The following DAPK1 variants were observed in gnomAD, a reference collection of about 807,000 sequenced individuals.
DAPK1 encodes death associated protein kinase 1, also known as death-associated protein kinase 1.
Under a neutral mutation model 144.9 loss-of-function variants are expected in DAPK1, and 56 were observed. The observed-to-expected ratio is 0.39, with a 90% CI of 0.31 to 0.48. DAPK1 has a LOEUF of 0.48. DAPK1 is among the 20% of genes least tolerant of loss of function. The pLI is 0.95. For missense variants in DAPK1, 1,454 were observed against 1,875.4 expected (o/e 0.78, Z 4.15); for synonymous variants, 690 against 749.0 (o/e 0.92, Z 1.29).
intron 3 of DAPK1, among the ~76,000 whole-genome samples, chr9:87,631,583 A>G (rs1829693739): frequency 6.6e-6 from 1 of 152,228 alleles, no homozygotes; most frequent in African/African-American, 2.4e-5. Flanking sequence ...AAAGGAGGTT[A>G]ACTTGCTTTC....
chr9:87,570,954 C>T (rs1383715101), intron 2 of DAPK1, among the ~76,000 whole-genome samples: 2 of 152,080 alleles, frequency 1.3e-5, no homozygotes, highest in Non-Finnish European at 2.9e-5. Flanking sequence ...AAGTAAACAC[C>T]CCCAGGATTT....
chr9:87,516,838 A>G (rs1825079542), intron 2 of DAPK1, among the ~76,000 whole-genome samples: 1 of 151,956 alleles, frequency 6.6e-6, no homozygotes, highest in Non-Finnish European at 1.5e-5. Flanking sequence ...TATTGTGCAA[A>G]AGGAAGGTGT....
intron 19 of DAPK1, among the ~76,000 whole-genome samples, chr9:87,672,151 T>C (rs540999050): frequency 6.6e-6 from 1 of 152,300 alleles, no homozygotes; most frequent in African/African-American, 2.4e-5. Context: ...ACGTGTTTCC[T>C]GTTATTGTTG....
intron 18 of DAPK1, among the ~76,000 whole-genome samples, chr9:87,659,679 C>T (rs2119225696): frequency 6.6e-6 from 1 of 152,288 alleles, no homozygotes; most frequent in African/African-American, 2.4e-5. Flanking sequence ...TCCTCAGGTC[C>T]CTCCGTGCAC....
intron 2 of DAPK1, among the ~76,000 whole-genome samples, chr9:87,582,293 G>A (rs757094783): frequency 1.7e-4 from 26 of 152,150 alleles, no homozygotes; most frequent in Non-Finnish European, 3.1e-4. Context: ...AAAAGGCTAG[G>A]TATGTCATGA....
chr9:87,498,225 G>A (rs1238253567), intron 1 of DAPK1, 118 bp downstream of exon 1: 14 of 395,984 alleles, frequency 3.5e-5, no homozygotes, highest in Middle Eastern at 6.2e-4. Context: ...GGAAGGCCAA[G>A]GCGGAGGGAA....
chr9:87,646,706 G>T, intron 13 of DAPK1, 147 bp downstream of exon 13: 1 of 628,328 alleles, frequency 1.6e-6, no homozygotes, highest in Non-Finnish European at 2.8e-6. Flanking sequence ...AAACAGCTTG[G>T]TACAGCCTGA....
At chr9:87,626,357 G>A (rs548259569) in intron 3 of DAPK1, among the ~76,000 whole-genome samples, 1 of 152,344 alleles carries the variant, frequency 6.6e-6, no homozygotes, top group African/African-American at 2.4e-5. Flanking sequence ...GGAGGTTGCA[G>A]TGAGCTGAGA....
At chr9:87,632,069 A>G in intron 3 of DAPK1, 1 of 768,832 alleles carries the variant, frequency 1.3e-6, no homozygotes, top group Non-Finnish European at 1.6e-6. Flanking sequence ...TGTAAGGATG[A>G]AAGTTAATTA....
At chr9:87,699,257 A>G (rs544583239) in intron 23 of DAPK1, among the ~76,000 whole-genome samples, 1 of 152,242 alleles carries the variant, frequency 6.6e-6, no homozygotes. Context: ...CCTTCTTTCT[A>G]CCTCCCAGCA....
At chr9:87,668,837 C>A in intron 19 of DAPK1, 163 bp downstream of exon 19, 1 of 623,160 alleles carries the variant, frequency 1.6e-6, no homozygotes, top group Non-Finnish European at 2.9e-6. Context: ...GGTATAAATG[C>A]ATCAGCTCCC....
chr9:87,650,637 C>T (rs546289354), intron 16 of DAPK1: 3 of 168,910 alleles, frequency 1.8e-5, no homozygotes, highest in East Asian at 1.8e-4. Flanking sequence ...TTGCTATATA[C>T]GGTTAGATTT....
chr9:87,654,527 G>A (rs1830567935), intron 17 of DAPK1, among the ~76,000 whole-genome samples: 1 of 152,182 alleles, frequency 6.6e-6, no homozygotes, highest in African/African-American at 2.4e-5. Context: ...GTGTGGAAGG[G>A]CAGTATCCCA....
intron 2 of DAPK1, among the ~76,000 whole-genome samples, chr9:87,551,917 AG>A (rs1453269609): frequency 6.6e-6 from 1 of 152,170 alleles, no homozygotes; most frequent in Non-Finnish European, 1.5e-5. Flanking sequence ...TGTGAGTCTC[AG>A]ATGCCTCCGT....
At chr9:87,558,557 G>T (rs1237268618) in intron 2 of DAPK1, among the ~76,000 whole-genome samples, 1 of 152,146 alleles carries the variant, frequency 6.6e-6, no homozygotes, top group Non-Finnish European at 1.5e-5. Context: ...CTGTAAGGTG[G>T]TCATTGCACA....
At chr9:87,511,496 A>G (rs1179084954) in intron 2 of DAPK1, among the ~76,000 whole-genome samples, 1 of 152,190 alleles carries the variant, frequency 6.6e-6, no homozygotes, top group Non-Finnish European at 1.5e-5. Context: ...AGAGACAACT[A>G]AAAGCCGCTC....
chr9:87,683,085 A>ATTTTT lies in DAPK1; in HGVS notation c.2224+1470_2224+1474dup, dbSNP rs1554704267. On this transcript the variant is annotated intron_variant, in intron 20 of 25. Transcript: ENST00000408954. The stretch of plus-strand genomic sequence containing the variant: ...TTAAAGAAAAAAATTTATTTTATTT[A>ATTTTT]TTTTTTTTTTTTTTTGAGATGGAGT... 5.5e-3 allele frequency among the ~76,000 whole-genome samples: 616 copies of ATTTTT among 112,546 alleles called. 6 individuals carry two copies. The highest frequency in any genetic ancestry group is 0.015 in the African/African-American group (546 of 36,542). 73.8% of individuals were successfully genotyped at this position (112,546 alleles called of 152,430 possible).
intron 3 of DAPK1, among the ~76,000 whole-genome samples, chr9:87,615,464 G>A (rs1383190278): frequency 2.0e-5 from 3 of 152,190 alleles, no homozygotes; most frequent in African/African-American, 7.2e-5. Flanking sequence ...CATAGAAATG[G>A]GCTCAAGGAC....
chr9:87,548,757 G>C (rs2058884), intron 2 of DAPK1, among the ~76,000 whole-genome samples: 1 of 151,760 alleles, frequency 6.6e-6, no homozygotes, highest in Non-Finnish European at 1.5e-5. Flanking sequence ...GAAGATTTGC[G>C]CTGCACTGTA....
Sources: allele counts gnomAD v4.1 joint callset (sites outside exome capture counted in the v4.1 genomes callset), GRCh38; gene constraint gnomAD v4.1.1; transcripts MANE v1.5; gene names NCBI Gene and HGNC (gene_info 2026-07-23, HGNC 2026-07-21).